XIST: variants seen among roughly 807,000 people sequenced by gnomAD.
XIST encodes X inactive specific transcript.
exon 1 of XIST, chrX:73,849,993 A>AAT: frequency 1.8e-6 from 1 of 555,936 alleles, no homozygotes; most frequent in East Asian, 3.3e-5. Flanking sequence ...GAAATACTCC[A>AAT]ATATAATAAG....
At chrX:73,839,044 G>T (rs1248521530) in intron 1 of XIST, among the ~76,000 whole-genome samples, 1 of 111,421 alleles carries the variant, frequency 9.0e-6, no homozygotes, top group Non-Finnish European at 1.9e-5. Flanking sequence ...ATTTTTCCAG[G>T]ATGCTTTCAC....
chrX:73,842,310 G>A (rs766604897), exon 1 of XIST: 1 of 554,809 alleles, frequency 1.8e-6, no homozygotes, highest in South Asian at 2.3e-5. Flanking sequence ...CAGAGAAAGT[G>A]CCAACCTTCC....
rs762374044 is a variant in XIST, at chrX:73,842,175, A to T, written n.10549T>A. On this transcript the variant is annotated non_coding_transcript_exon_variant, in exon 1 of 6. Coordinates refer to ENST00000429829, the Ensembl canonical transcript of XIST. The stretch of plus-strand genomic sequence containing the variant: ...CAATCCAGATGTCTTTCTTAAAAAA[A>T]TTTTTTTAATAATAATAAGCAATTT... 2.5e-4 allele frequency: 125 copies of T among 509,075 alleles called. 1 individual carries two copies. The highest frequency in any genetic ancestry group is 3.2e-4 in the Middle Eastern group (1 of 3,150). 42.0% of individuals were successfully genotyped at this position (509,075 alleles called of 1,213,427 possible). A position where few individuals can be genotyped will look rare whatever the true frequency, so the allele number is the denominator to read the frequency against.
At chrX:73,840,506 T>C (rs1330932267) in intron 1 of XIST, among the ~76,000 whole-genome samples, 1 of 111,948 alleles carries the variant, frequency 8.9e-6, no homozygotes, top group Non-Finnish European at 1.9e-5. Flanking sequence ...GCTAAGCTTC[T>C]TTTAGCTTTA....
exon 1 of XIST, chrX:73,842,629 T>C (rs373585699): frequency 4.1e-5 from 23 of 556,462 alleles, no homozygotes; most frequent in Non-Finnish European, 6.8e-5. Context: ...CAGTACTGTG[T>C]TTATTAATAA....
exon 6 of XIST, chrX:73,827,223 C>T (rs931523014): frequency 1.8e-6 from 1 of 556,595 alleles, no homozygotes; most frequent in African/African-American, 2.2e-5. Flanking sequence ...CTCCACAATG[C>T]TTGCTCTGAT....
At chrX:73,826,718 G>A (rs760923722) in exon 6 of XIST, 2 of 558,638 alleles carry the variant, frequency 3.6e-6, no homozygotes, top group Admixed American at 4.4e-5. Flanking sequence ...TCCAGATTCC[G>A]GCCGTTAGTC....
intron 3 of XIST, among the ~76,000 whole-genome samples, chrX:73,831,702 G>A (rs1006298024): frequency 9.0e-6 from 1 of 111,697 alleles, no homozygotes; most frequent in African/African-American, 3.3e-5. Context: ...AACCAAGAGA[G>A]CCATGAAGCC....
exon 6 of XIST, chrX:73,823,758 G>A (rs759984792): frequency 3.6e-6 from 2 of 558,551 alleles, no homozygotes; most frequent in Non-Finnish European, 6.5e-6. Context: ...TTAGTACACT[G>A]CCTTATATTA....
At chrX:73,841,349 A>G in intron 1 of XIST, 1 of 454,864 alleles carries the variant, frequency 2.2e-6, no homozygotes, top group Non-Finnish European at 3.8e-6. Flanking sequence ...GAATAGGAAA[A>G]AGATTACTTA....
chrX:73,828,581 G>C (rs1490307575), intron 5 of XIST: 1 of 113,473 alleles, frequency 8.8e-6, no homozygotes, highest in African/African-American at 3.2e-5. Context: ...TCTTTGATAG[G>C]ACTTGCTCAA....
Position 73,843,004 on chromosome X carries a change from G to A in XIST, n.9720C>T, listed in dbSNP as rs1388022419. 7.2e-6 allele frequency: 4 copies of A among 556,695 alleles called. No individual in the cohort carries two copies. In the East Asian group the frequency reaches 1.3e-4, roughly 18 times the overall value. 45.9% of individuals were successfully genotyped at this position (556,695 alleles called of 1,213,427 possible). A position where few individuals can be genotyped will look rare whatever the true frequency, so the allele number is the denominator to read the frequency against. ...ACACTGGCGCAATGCAAAAGGGTTG[G>A]GAGTATGGACCACTGTTTGATAGAC... On this transcript the variant is annotated non_coding_transcript_exon_variant, in exon 1 of 6. Transcript: ENST00000429829.
chrX:73,849,523 G>T (rs1335755336), exon 1 of XIST: 1 of 558,683 alleles, frequency 1.8e-6, no homozygotes, highest in Non-Finnish European at 3.2e-6. Context: ...TTAAGGGCAG[G>T]GGATCGAGAA....
chrX:73,850,135 T>C, exon 1 of XIST: 1 of 558,666 alleles, frequency 1.8e-6, no homozygotes, highest in Non-Finnish European at 3.2e-6. Flanking sequence ...AAACACTCTT[T>C]TTTACATTAG....
exon 1 of XIST, chrX:73,852,528 G>A (rs1922977998): frequency 9.3e-6 from 5 of 534,905 alleles, no homozygotes; most frequent in Middle Eastern, 3.2e-4. Flanking sequence ...AAAATATGGA[G>A]GACGTGTCAA....
At chrX:73,830,747 C>T (rs1922364127) in intron 4 of XIST, among the ~76,000 whole-genome samples, 1 of 111,837 alleles carries the variant, frequency 8.9e-6, no homozygotes, top group Non-Finnish European at 1.9e-5. Context: ...GAATGATTTG[C>T]CCATGTGATC....
chrX:73,823,480 C>A, exon 6 of XIST: 1 of 520,488 alleles, frequency 1.9e-6, no homozygotes, highest in Middle Eastern at 3.1e-4. Context: ...ATGCCCTCAT[C>A]TCTCTTATCC....
rs1367100747 is a variant in XIST at position 73,825,235 on chromosome X, C to T, written n.14666G>A. ...TTCGTTTCTGATACCTGGAATACTG[C>T]ATTTTTACTCAAAATTACCAGAGCA... is the stretch of plus-strand genomic sequence containing the variant. On this transcript the variant is annotated non_coding_transcript_exon_variant, in exon 6 of 6. Coordinates refer to ENST00000429829, the Ensembl canonical transcript of XIST. 7.2e-6 allele frequency: 4 copies of T among 558,820 alleles called. 1 individual carries two copies. In the Admixed American group the frequency reaches 8.9e-5, roughly 12 times the overall value. The allele number at this position is 558,820 out of a possible 1,213,427, so 46.1% of individuals were successfully genotyped here.
At chrX:73,848,722 C>T in exon 1 of XIST, 1 of 558,479 alleles carries the variant, frequency 1.8e-6, no homozygotes, top group South Asian at 2.2e-5. Flanking sequence ...TGCACAGAAC[C>T]ATGAATATAT....
Sources: allele counts gnomAD v4.1 joint callset (sites outside exome capture counted in the v4.1 genomes callset), GRCh38; gene constraint gnomAD v4.1.1; transcripts MANE v1.5; gene names NCBI Gene and HGNC (gene_info 2026-07-23, HGNC 2026-07-21).